Variants in GPRIN3 observed in about 807,000 individuals in gnomAD.
GPRIN3 encodes the protein GPRIN family member 3.
Under a neutral mutation model 13.7 loss-of-function variants are expected in GPRIN3, and 12 were observed. The observed-to-expected ratio is 0.87, with a 90% CI of 0.56 to 1.42. The LOEUF (loss-of-function observed/expected upper bound fraction) is 1.42, where lower values mean the gene tolerates loss of function less well. Ranked by LOEUF, GPRIN3 falls within the 40% of genes most tolerant of loss-of-function variation. GPRIN3 has a pLI of 0.00. For synonymous variants in GPRIN3, 377 were observed against 372.7 expected (o/e 1.01, Z -0.13); for missense variants, 1,009 against 958.7 (o/e 1.05, Z -0.69).
At chr4:89,275,953 A>T (rs1044913884) in intron 1 of GPRIN3, among the ~76,000 whole-genome samples, 16 of 152,212 alleles carry the variant, frequency 1.1e-4, no homozygotes, top group African/African-American at 3.9e-4. Context: ...TAATGCCTAC[A>T]ATTAACCTAG....
intron 1 of GPRIN3, among the ~76,000 whole-genome samples, chr4:89,259,011 A>T (rs527296186): frequency 6.6e-6 from 1 of 152,252 alleles, no homozygotes; most frequent in South Asian, 2.1e-4. Context: ...TTTTGGCATA[A>T]TTTACCTATG....
At chr4:89,255,023 A>G (rs920235362) in intron 1 of GPRIN3, among the ~76,000 whole-genome samples, 8 of 152,272 alleles carry the variant, frequency 5.3e-5, no homozygotes, top group Admixed American at 3.9e-4. Flanking sequence ...GTCCTGCTAC[A>G]CTTGTTAACA....
chr4:89,258,786 C>T (rs927008378), intron 1 of GPRIN3, among the ~76,000 whole-genome samples: 3 of 152,286 alleles, frequency 2.0e-5, no homozygotes, highest in East Asian at 3.9e-4. Flanking sequence ...TATGCCAAGG[C>T]GCCCTACGTC....
At chr4:89,253,823 C>T (rs1309270807) in intron 1 of GPRIN3, among the ~76,000 whole-genome samples, 2 of 152,210 alleles carry the variant, frequency 1.3e-5, no homozygotes, top group Non-Finnish European at 2.9e-5. Context: ...ATACTACTCT[C>T]CAATCTGTCT....
At chr4:89,281,313 G>A (rs56312140) in intron 1 of GPRIN3, among the ~76,000 whole-genome samples, 6,229 of 152,084 alleles carry the variant, frequency 0.041, 423 homozygotes, top group African/African-American at 0.14. Context: ...TAGTAGAGAC[G>A]GGGTTTCGCC....
At position 89,248,789 on chromosome 4, in the gene GPRIN3, G is replaced by T. The variant is rs1471394472; in HGVS notation, c.1322C>A (p.Ala441Glu). The T allele has an allele frequency of 1.9e-6, 3 of 1,614,066 alleles. No homozygotes were observed. Among genetic ancestry groups the T allele is most frequent in the Admixed American group, 1.7e-5 (1 of 60,010 alleles). Residue 441 changes from alanine (A) to glutamate (E), a missense_variant, in exon 2 of 2, where the codon GCA becomes GAA. By Grantham distance (107) the Ala-to-Glu change is moderately radical. Transcript: ENST00000609438. ...QHTCKEDGRL[A>E]GMTPVREEST... ...CTCTTCCCTCACTGGAGTCATTCCT[G>T]CTAACCTCCCATCTTCTTTACACGT... is the stretch of plus-strand genomic sequence containing the variant.
chr4:89,270,520 C>T (rs568203495), intron 1 of GPRIN3, among the ~76,000 whole-genome samples: 15 of 132,640 alleles, frequency 1.1e-4, no homozygotes, highest in Admixed American at 3.2e-4. Context: ...TTGTTTGCTA[C>T]GACATCTCTC....
At chr4:89,255,833 A>G (rs1422882687) in intron 1 of GPRIN3, among the ~76,000 whole-genome samples, 1 of 152,108 alleles carries the variant, frequency 6.6e-6, no homozygotes, top group South Asian at 2.1e-4. Flanking sequence ...TTCTTAAAAG[A>G]CTCTCTGTAA....
chr4:89,300,027 A>G (rs1724851584), intron 1 of GPRIN3, among the ~76,000 whole-genome samples: 1 of 151,654 alleles, frequency 6.6e-6, no homozygotes, highest in Non-Finnish European at 1.5e-5. Flanking sequence ...CAGATGAAAA[A>G]CTCCGTTATT....
Position 89,248,302 on chromosome 4 carries a change from G to T in GPRIN3, c.1809C>A (p.Thr603=). ...LEENRQTKTA[T]SLSLPSDPMG... is the part of the protein sequence containing the mutation. ...TGGGATCAGATGGCAGGCTCAGGCT[G>T]GTGGCTGTCTTGGTCTGTCTGTTTT... Residue 603 remains threonine (T), a synonymous_variant, in exon 2 of 2, where the codon ACC becomes ACA. Coordinates refer to ENST00000609438, the MANE Select transcript of GPRIN3 (RefSeq NM_198281.3). 2 of 1,614,144 alleles carry T rather than the reference G, an allele frequency of 1.2e-6. No homozygotes were observed. The highest frequency in any genetic ancestry group is 1.3e-5 in the African/African-American group (1 of 75,044).
At chr4:89,270,371 A>G (rs1334933060) in intron 1 of GPRIN3, among the ~76,000 whole-genome samples, 1 of 151,506 alleles carries the variant, frequency 6.6e-6, no homozygotes, top group African/African-American at 2.4e-5. Context: ...AGTTAACTGA[A>G]ATCAAATAAC....
At chr4:89,290,902 C>T (rs1079069) in intron 1 of GPRIN3, among the ~76,000 whole-genome samples, 73,262 of 152,032 alleles carry the variant, frequency 0.48, 20,959 homozygotes, top group Non-Finnish European at 0.63. Context: ...ACTACTCCCA[C>T]ACACGCTCAC....
rs1310345925 is a variant in GPRIN3 at position 89,242,864 on chromosome 4, C to T, written c.*4916G>A. ...CCACCACAAGTCATTTCACCAAGGTCCAAGGTTATTTGAATGTTGTTTATA... is the reference window on the plus strand; with the variant it reads ...CCACCACAAGTCATTTCACCAAGGTTCAAGGTTATTTGAATGTTGTTTATA... On this transcript the variant is annotated 3_prime_UTR_variant, in exon 2 of 2. Coordinates refer to ENST00000609438, the MANE Select transcript of GPRIN3 (RefSeq NM_198281.3). The T allele has an allele frequency of 6.6e-6, 1 of 152,122 alleles. No homozygotes were observed. The highest frequency in any genetic ancestry group is 1.5e-5 in the Non-Finnish European group (1 of 68,022). The allele number at this position is 152,122 out of a possible 1,614,324, so 9.4% of individuals were successfully genotyped here.
chr4:89,250,264 C>G (rs1723291300), intron 1 of GPRIN3, 31 bp from the exon 2 acceptor site: 2 of 1,405,000 alleles, frequency 1.4e-6, no homozygotes, highest in African/African-American at 2.9e-5. Flanking sequence ...ATCATTAATA[C>G]AGTACGTCGC....
intron 1 of GPRIN3, among the ~76,000 whole-genome samples, chr4:89,293,310 C>T (rs1285720353): frequency 6.6e-6 from 1 of 152,226 alleles, no homozygotes; most frequent in Non-Finnish European, 1.5e-5. Flanking sequence ...GATGGAAACT[C>T]ATTCCCAGAA....
In GPRIN3 at chr4:89,248,570, G is replaced by A. The variant is rs531304907; in HGVS notation, c.1541C>T (p.Ser514Phe). 2 of 1,613,276 alleles carry A rather than the reference G, an allele frequency of 1.2e-6. No homozygotes were observed. The highest frequency in any genetic ancestry group is 2.2e-5 in the South Asian group (2 of 91,070). ...ATCAGCTTTGCTGATAGAGCCACAA[G>A]AGTCAGATAGTTTGCAATCTGGGTC... ...KTDPDCKLSDSCGSISKADHS... is the reference protein window; with the variant it reads ...KTDPDCKLSDFCGSISKADHS... The change falls in exon 2 of 2, where the codon TCT becomes TTT. Residue 514 changes from serine to phenylalanine, a missense_variant. Physicochemically the swap from Ser to Phe is radical, Grantham distance 155. Coordinates refer to ENST00000609438, the MANE Select transcript of GPRIN3 (RefSeq NM_198281.3).
intron 1 of GPRIN3, among the ~76,000 whole-genome samples, chr4:89,286,093 AT>A (rs1724405937): frequency 3.0e-5 from 1 of 33,558 alleles, no homozygotes; most frequent in African/African-American, 9.5e-5. Flanking sequence ...GTGTGTGTGT[AT>A]ATATATATAT....
rs1397123120 is a variant in GPRIN3 at position 89,237,705 on chromosome 4, C to T, written c.*10075G>A. 6.6e-6 allele frequency: 1 copy of T among 152,162 alleles called. No individual in the cohort carries two copies. Among genetic ancestry groups the T allele is most frequent in the African/African-American group, 2.4e-5 (1 of 41,434 alleles). 9.4% of individuals were successfully genotyped at this position (152,162 alleles called of 1,614,324 possible). Reference sequence around the variant, plus strand: ...TTTATTATAGCAGCCCAGATAAATTCAGACAGGGTGGTTGACCAAAAGTGA... The same window carrying T: ...TTTATTATAGCAGCCCAGATAAATTTAGACAGGGTGGTTGACCAAAAGTGA... On this transcript the variant is annotated 3_prime_UTR_variant, in exon 2 of 2. Transcript: ENST00000609438.
chr4:89,250,166 G>T lies in GPRIN3; in HGVS notation c.-56C>A. 1 of 1,546,298 alleles carries T rather than the reference G, an allele frequency of 6.5e-7. No homozygotes were observed. Among genetic ancestry groups the T allele is most frequent in the Non-Finnish European group, 8.7e-7 (1 of 1,145,994 alleles). ...CTCTTGAGTACTGGTCCCACTGGTG[G>T]GGGAGGGGAGCGCAGTCAGAGCTCA... On this transcript the variant is annotated 5_prime_UTR_variant, in exon 2 of 2. Coordinates refer to ENST00000609438, the MANE Select transcript of GPRIN3 (RefSeq NM_198281.3).
Sources: gnomAD v4.1 joint callset for allele counts (sites outside exome capture counted in the v4.1 genomes callset) on GRCh38, gnomAD v4.1.1 for gene constraint, MANE v1.5 for transcripts, NCBI Gene and HGNC (gene_info 2026-07-23, HGNC 2026-07-21) for gene names.